Variants in UBR3 observed in about 807,000 individuals in gnomAD.
UBR3 encodes the protein ubiquitin protein ligase E3 component n-recognin 3.
UBR3 carries 85 observed loss-of-function variants against 243.2 expected under a neutral mutation model. The observed-to-expected ratio is 0.35, with a 90% confidence interval of 0.29 to 0.42. The LOEUF is 0.42. UBR3 is among the 10% of genes least tolerant of loss of function. The probability of loss-of-function intolerance (pLI) is 1.00; values close to 1 mark genes in which losing one functional copy is unlikely to be tolerated. For missense variants in UBR3, 1,686 were observed against 2,300.8 expected, an observed-to-expected ratio of 0.73 and a Z score of 5.47; for synonymous variants, 748 against 799.8, an observed-to-expected ratio of 0.94 and a Z score of 1.09.
chr2:169,920,560 G>T (rs531996377), intron 11 of UBR3, among the ~76,000 whole-genome samples: 2 of 152,224 alleles, frequency 1.3e-5, no homozygotes, highest in South Asian at 2.1e-4. Flanking sequence ...ATCTGAATAG[G>T]AACTCCTGTC....
At position 170,061,174 on chromosome 2, in the gene UBR3, G is replaced by A; in HGVS notation, c.4881G>A (p.Gln1627=). ...KGKLYHEEGT[Q]ECAMVNPIAW... is the part of the protein sequence containing the mutation. ...AGTTATACCATGAAGAAGGAACTCA[G>A]GAATGTGCAATGGTATGTTTCTGCA... is the stretch of plus-strand genomic sequence containing the variant. Residue 1627 remains glutamine (Q), a synonymous_variant, in exon 34 of 39, where the codon CAG becomes CAA. Transcript: ENST00000272793. The A allele has an allele frequency of 6.3e-7, 1 of 1,596,560 alleles. No homozygotes were observed. Among genetic ancestry groups the A allele is most frequent in the Non-Finnish European group, 8.5e-7 (1 of 1,174,976 alleles).
intron 27 of UBR3, among the ~76,000 whole-genome samples, chr2:170,002,983 T>G (rs2089769557): frequency 6.6e-6 from 1 of 152,130 alleles, no homozygotes. Flanking sequence ...AGCAACTTCT[T>G]AAATACAGGT....
At chr2:169,961,173 C>A (rs1459023903) in intron 24 of UBR3, among the ~76,000 whole-genome samples, 6 of 151,962 alleles carry the variant, frequency 3.9e-5, no homozygotes, top group African/African-American at 1.5e-4. Context: ...GCATGGAATT[C>A]TTTTCCAATG....
At chr2:169,935,298 T>C (rs988595649) in intron 19 of UBR3, among the ~76,000 whole-genome samples, 1 of 152,188 alleles carries the variant, frequency 6.6e-6, no homozygotes, top group Non-Finnish European at 1.5e-5. Flanking sequence ...CCTGAGTAGC[T>C]AGGACTACAG....
chr2:169,928,165 A>G (rs995285441), intron 17 of UBR3, among the ~76,000 whole-genome samples: 2 of 152,178 alleles, frequency 1.3e-5, no homozygotes, highest in African/African-American at 4.8e-5. Context: ...GTCATTATGA[A>G]CTATGTGTCA....
At chr2:170,049,818 ACTAT>A (rs1421348166) in intron 32 of UBR3, among the ~76,000 whole-genome samples, 1 of 152,200 alleles carries the variant, frequency 6.6e-6, no homozygotes, top group African/African-American at 2.4e-5. Context: ...GACTAGCAGC[ACTAT>A]CTATCCTAAT....
intron 22 of UBR3, chr2:169,948,079 GT>G (rs35694669): frequency 0.41 from 101,848 of 250,752 alleles, 18,352 homozygotes; most frequent in Admixed American, 0.46. Flanking sequence ...ATTTATGTGT[GT>G]TTTTTTTTTT....
At position 169,951,786 on chromosome 2, in the gene UBR3, A is replaced by T. The variant is rs115850569; in HGVS notation, c.3545+1721A>T. On this transcript the variant is annotated intron_variant, in intron 23 of 38. Transcript: ENST00000272793. Reference sequence around the variant, plus strand: ...AAGGGTCTGAACTAAGACAGTGATGATAATAAAGAGAGGAGGAGATGTGTA... The same window carrying T: ...AAGGGTCTGAACTAAGACAGTGATGTTAATAAAGAGAGGAGGAGATGTGTA... Among the ~76,000 whole-genome samples the T allele has an allele frequency of 7.9e-3, 1,208 of 152,224 alleles. 10 individuals are homozygous for T. The highest frequency in any genetic ancestry group is 0.044 in the Middle Eastern group (13 of 294).
intron 33 of UBR3, among the ~76,000 whole-genome samples, chr2:170,055,840 G>C (rs1340649520): frequency 6.6e-6 from 1 of 152,006 alleles, no homozygotes; most frequent in South Asian, 2.1e-4. Flanking sequence ...CTTAAACTTA[G>C]AGAAGTTATA....
At chr2:170,055,409 A>G in intron 32 of UBR3, 51 bp from the exon 33 acceptor site, 1 of 1,587,442 alleles carries the variant, frequency 6.3e-7, no homozygotes. Context: ...AACTATGTTG[A>G]GTACAAAATA....
At chr2:169,887,103 C>T (rs2084130364) in intron 5 of UBR3, among the ~76,000 whole-genome samples, 1 of 152,102 alleles carries the variant, frequency 6.6e-6, no homozygotes, top group Admixed American at 6.5e-5. Flanking sequence ...GTTGAGAAAC[C>T]ATCTGTAGAT....
Position 169,878,520 on chromosome 2 carries a change from C to T in UBR3, c.989-5C>T, listed in dbSNP as rs995152436. 5 of 1,550,632 alleles carry T rather than the reference C, an allele frequency of 3.2e-6. No homozygotes were observed. The South Asian group carries it at 6.0e-5, about 19-fold the overall frequency. On this transcript the variant is annotated splice_region_variant and splice_polypyrimidine_tract_variant and intron_variant, in intron 4 of 38. Transcript: ENST00000272793. ...AAGGACAACTATTTTTCTTCTCCTC[C>T]AAAGGTTTCATAGGCGCAACAGGAA...
intron 5 of UBR3, among the ~76,000 whole-genome samples, chr2:169,884,898 G>T (rs1360334507): frequency 6.6e-6 from 1 of 152,144 alleles, no homozygotes; most frequent in Non-Finnish European, 1.5e-5. Flanking sequence ...GAATAGAATA[G>T]ATTAAGGTGA....
chr2:170,072,114 T>C (rs999611736), intron 35 of UBR3, among the ~76,000 whole-genome samples: 2 of 152,010 alleles, frequency 1.3e-5, no homozygotes, highest in Non-Finnish European at 2.9e-5. Flanking sequence ...TATAAAGACA[T>C]ATGCACACAT....
At chr2:170,000,595 A>G (rs1336136670) in intron 26 of UBR3, among the ~76,000 whole-genome samples, 13 of 152,230 alleles carry the variant, frequency 8.5e-5, no homozygotes, top group Admixed American at 8.5e-4. Flanking sequence ...CATGGAGAAG[A>G]TAACAATTTA....
chr2:169,905,936 C>A, intron 9 of UBR3, 95 bp from the exon 10 acceptor site: 3 of 1,341,948 alleles, frequency 2.2e-6, no homozygotes, highest in South Asian at 1.5e-5. Context: ...TATTTGTGTG[C>A]ATAAATGTGT....
chr2:170,012,670 C>G (rs894130863), intron 29 of UBR3, among the ~76,000 whole-genome samples: 3 of 75,398 alleles, frequency 4.0e-5, no homozygotes, highest in African/African-American at 1.5e-4. Context: ...GATGAAGATA[C>G]TGGTTTTTTT....
At chr2:169,882,056 A>G (rs1315276918) in intron 5 of UBR3, among the ~76,000 whole-genome samples, 3 of 126,918 alleles carry the variant, frequency 2.4e-5, no homozygotes, top group Non-Finnish European at 3.1e-5. Flanking sequence ...TATATTATAT[A>G]TACACATATA....
intron 5 of UBR3, among the ~76,000 whole-genome samples, chr2:169,886,251 G>T (rs918136466): frequency 3.9e-5 from 6 of 152,122 alleles, no homozygotes; most frequent in African/African-American, 1.2e-4. Context: ...GGGTAGGGCA[G>T]GGAATCACAT....
Sources: allele counts gnomAD v4.1 joint callset (sites outside exome capture counted in the v4.1 genomes callset), GRCh38; gene constraint gnomAD v4.1.1; transcripts MANE v1.5; gene names NCBI Gene and HGNC (gene_info 2026-07-23, HGNC 2026-07-21).